The following FMN2 variants were observed in gnomAD, a reference collection of about 807,000 sequenced individuals.
The protein encoded by FMN2 is formin 2.
FMN2 carries 51 observed loss-of-function variants against 142.3 expected under a neutral mutation model. The ratio of observed to expected loss-of-function variants is 0.36; its 90% confidence interval spans 0.29 to 0.45. The LOEUF (loss-of-function observed/expected upper bound fraction) is 0.45, where lower values mean the gene tolerates loss of function less well. Among genes scored for constraint, FMN2 ranks in the 20% least tolerant of loss-of-function variants. FMN2 has a pLI of 1.00. For missense variants in FMN2, 1,936 were observed against 2,122.8 expected, an observed-to-expected ratio of 0.91 and a Z score of 1.73; for synonymous variants, 882 against 869.8, an observed-to-expected ratio of 1.01 and a Z score of -0.25.
chr1:240,334,002 T>G (rs1335035511), intron 12 of FMN2, 56 bp downstream of exon 12: 2 of 1,575,478 alleles, frequency 1.3e-6, no homozygotes, highest in Non-Finnish European at 1.7e-6. Context: ...GTTGGATGAT[T>G]TGGCAGTACT....
chr1:240,254,810 G>C (rs1016606236), intron 6 of FMN2, among the ~76,000 whole-genome samples: 19 of 152,178 alleles, frequency 1.2e-4, no homozygotes, highest in Non-Finnish European at 2.4e-4. Flanking sequence ...GCTGCGGTTG[G>C]AGGATATCAG....
At chr1:240,264,260 A>C (rs946809642) in intron 7 of FMN2, among the ~76,000 whole-genome samples, 2 of 152,182 alleles carry the variant, frequency 1.3e-5, no homozygotes, top group Admixed American at 1.3e-4. Context: ...AAAAGGGTCC[A>C]AAGCTGAGAA....
intron 3 of FMN2, among the ~76,000 whole-genome samples, chr1:240,180,566 C>CTTTT (rs58433196): frequency 5.5e-5 from 7 of 126,176 alleles, no homozygotes; most frequent in Admixed American, 8.5e-5. Flanking sequence ...CACATGACCC[C>CTTTT]TTTTTTTTTT....
intron 16 of FMN2, among the ~76,000 whole-genome samples, chr1:240,451,979 C>T (rs1350717580): frequency 5.9e-5 from 9 of 151,932 alleles, no homozygotes; most frequent in Admixed American, 5.3e-4. Flanking sequence ...ATCACAAGGT[C>T]AGGAGATCGA....
At chr1:240,315,311 T>C (rs891207182) in intron 8 of FMN2, among the ~76,000 whole-genome samples, 1 of 152,238 alleles carries the variant, frequency 6.6e-6, no homozygotes, top group Non-Finnish European at 1.5e-5. Flanking sequence ...CTTAAAATTA[T>C]GCATGAACAG....
chr1:240,341,792 G>A (rs113626328), intron 13 of FMN2, among the ~76,000 whole-genome samples: 1 of 152,244 alleles, frequency 6.6e-6, no homozygotes, highest in African/African-American at 2.4e-5. Context: ...CTGCCCTGTG[G>A]GCATATTAGG....
intron 3 of FMN2, among the ~76,000 whole-genome samples, chr1:240,183,697 G>C (rs182456090): frequency 6.6e-6 from 1 of 151,898 alleles, no homozygotes; most frequent in African/African-American, 2.4e-5. Flanking sequence ...AATCAAATAA[G>C]CAGATCATGG....
chr1:240,144,527 G>T, intron 2 of FMN2: 1 of 1,466,916 alleles, frequency 6.8e-7, no homozygotes, highest in Non-Finnish European at 9.6e-7. Context: ...ATCCTCGCAG[G>T]ATGTGAAGAT....
intron 8 of FMN2, among the ~76,000 whole-genome samples, chr1:240,317,029 C>T (rs534106926): frequency 4.6e-5 from 7 of 152,138 alleles, no homozygotes; most frequent in Admixed American, 2.0e-4. Flanking sequence ...TAAAACAGGA[C>T]GAGTGGGTGG....
rs1445547089 is a variant in FMN2, at chr1:240,092,479, T to A, written c.370T>A (p.Ser124Thr). 3.1e-6 allele frequency: 5 copies of A among 1,608,110 alleles called. No homozygotes were observed. In the Admixed American group the frequency reaches 8.4e-5, roughly 27 times the overall value. The change falls in exon 1 of 18, where the codon TCG becomes ACG. Residue 124 changes from serine (S) to threonine (T), a missense_variant. By Grantham distance (58) the Ser-to-Thr change is moderately conservative (BLOSUM62 1). Coordinates refer to ENST00000319653, the MANE Select transcript of FMN2 (RefSeq NM_020066.5). ...LLTKTPDLSL[S>T]ADEAGLSDTE... ...CACCAAGACTCCAGACCTCAGCCTC[T>A]CGGCGGACGAGGCCGGCCTGTCGGA... is the stretch of plus-strand genomic sequence containing the variant.
At chr1:240,143,370 T>C (rs1663278720) in intron 2 of FMN2, 1 of 1,452,338 alleles carries the variant, frequency 6.9e-7, no homozygotes, top group Non-Finnish European at 9.7e-7. Flanking sequence ...CAAAGGTTCA[T>C]AGTGCCGTCT....
At chr1:240,250,401 C>T (rs1202751475) in intron 6 of FMN2, among the ~76,000 whole-genome samples, 4 of 152,146 alleles carry the variant, frequency 2.6e-5, no homozygotes, top group African/African-American at 9.6e-5. Flanking sequence ...TATTGATTTG[C>T]ATATGTACAA....
chr1:240,161,739 T>C (rs1414304711), intron 2 of FMN2, among the ~76,000 whole-genome samples: 1 of 152,084 alleles, frequency 6.6e-6, no homozygotes, highest in Non-Finnish European at 1.5e-5. Context: ...GCCTTTTAAA[T>C]AAATGAGATG....
chr1:240,374,039 A>C (rs959913989), intron 14 of FMN2, among the ~76,000 whole-genome samples: 2 of 152,194 alleles, frequency 1.3e-5, no homozygotes, highest in Admixed American at 1.3e-4. Context: ...CCTTGTATTA[A>C]AAACATCTCC....
At chr1:240,359,703 T>C (rs779835992) in intron 14 of FMN2, among the ~76,000 whole-genome samples, 4 of 152,240 alleles carry the variant, frequency 2.6e-5, no homozygotes, top group Non-Finnish European at 4.4e-5. Context: ...AATTTAGCCC[T>C]ACTGTCATAA....
chr1:240,435,049 A>C (rs555215443), intron 15 of FMN2, among the ~76,000 whole-genome samples: 26 of 152,172 alleles, frequency 1.7e-4, no homozygotes, highest in Non-Finnish European at 2.8e-4. Flanking sequence ...TCATGCCAAT[A>C]ATAAGGTTCA....
intron 14 of FMN2, among the ~76,000 whole-genome samples, chr1:240,378,798 T>C (rs560326808): frequency 9.8e-5 from 15 of 152,348 alleles, no homozygotes; most frequent in African/African-American, 3.1e-4. Flanking sequence ...CTTTACAAGT[T>C]CCACTGAGTT....
intron 6 of FMN2, among the ~76,000 whole-genome samples, chr1:240,242,351 G>C (rs1667940185): frequency 6.6e-6 from 1 of 152,198 alleles, no homozygotes; most frequent in South Asian, 2.1e-4. Context: ...GGAGAAGTCA[G>C]ATGGACACTA....
chr1:240,200,775 CA>C (rs552889207), intron 4 of FMN2, among the ~76,000 whole-genome samples: 338 of 151,072 alleles, frequency 2.2e-3, no homozygotes, highest in Middle Eastern at 6.8e-3. Flanking sequence ...ATGTAAGAAG[CA>C]GATAGTTTGT....
Sources: gnomAD v4.1 joint callset for allele counts (sites outside exome capture counted in the v4.1 genomes callset) on GRCh38, gnomAD v4.1.1 for gene constraint, MANE v1.5 for transcripts, NCBI Gene and HGNC (gene_info 2026-07-23, HGNC 2026-07-21) for gene names.